RCAN1: variants seen among roughly 807,000 people sequenced by gnomAD.
RCAN1 encodes calcipressin-1.
Under a neutral mutation model 22.9 loss-of-function variants are expected in RCAN1, and 11 were observed. The observed-to-expected ratio is 0.48, with a 90% CI of 0.30 to 0.79. The LOEUF is 0.79. RCAN1 is among the 30% of genes least tolerant of loss of function. The pLI is 0.06. For synonymous variants in RCAN1, 136 were observed against 142.3 expected (o/e 0.96, Z 0.32); for missense variants, 291 against 337.8 (o/e 0.86, Z 1.09).
At chr21:34,541,138 T>C (rs979919108) in intron 1 of RCAN1, among the ~76,000 whole-genome samples, 11 of 152,228 alleles carry the variant, frequency 7.2e-5, no homozygotes, top group South Asian at 2.1e-4. Flanking sequence ...GCTCCAGTGA[T>C]AATATAAATG....
At chr21:34,604,732 G>C (rs2284610) in intron 1 of RCAN1, among the ~76,000 whole-genome samples, 8,904 of 152,306 alleles carry the variant, frequency 0.058, 337 homozygotes, top group East Asian at 0.16. Context: ...GGGAGAGGTG[G>C]TGTTTGTCAT....
chr21:34,526,079 TGAA>T (rs2066731893), intron 1 of RCAN1, among the ~76,000 whole-genome samples: 1 of 152,140 alleles, frequency 6.6e-6, no homozygotes, highest in Non-Finnish European at 1.5e-5. Context: ...TTTAATCAAA[TGAA>T]GAAGAAAAGT....
intron 1 of RCAN1, among the ~76,000 whole-genome samples, chr21:34,574,105 C>A (rs908137003): frequency 6.6e-6 from 1 of 152,152 alleles, no homozygotes; most frequent in African/African-American, 2.4e-5. Flanking sequence ...TGAATACAGA[C>A]CCATGTGAAG....
At chr21:34,538,787 T>C (rs762560616) in intron 1 of RCAN1, among the ~76,000 whole-genome samples, 2 of 152,180 alleles carry the variant, frequency 1.3e-5, no homozygotes, top group Non-Finnish European at 2.9e-5. Flanking sequence ...GTGGCTTTGC[T>C]CTGCCCCAAC....
chr21:34,530,043 CCT>C (rs762370552), intron 1 of RCAN1, among the ~76,000 whole-genome samples: 2 of 152,222 alleles, frequency 1.3e-5, no homozygotes, highest in Non-Finnish European at 2.9e-5. Flanking sequence ...TCCAATTAAA[CCT>C]CTTTTTCTTC....
In RCAN1 at chr21:34,518,684, A is replaced by G. The variant is rs1382534133; in HGVS notation, c.587-428T>C. ...CCTGGGCCTCCCTCATGCAGCTCCT[A>G]TTTGAGGGTCGCAGTGCACGCCCAG... is the stretch of plus-strand genomic sequence containing the variant. On this transcript the variant is annotated intron_variant, in intron 3 of 3. Transcript: ENST00000313806. This position sits in a 1 kb window ranked among gnomAD's most constrained non-coding sequence, Gnocchi z 4.2. 6.6e-6 allele frequency among the ~76,000 whole-genome samples: 1 copy of G among 152,184 alleles called. No individual in the cohort carries two copies. Among genetic ancestry groups the G allele is most frequent in the Non-Finnish European group, 1.5e-5 (1 of 68,034 alleles).
At chr21:34,601,646 A>G (rs568574250) in intron 1 of RCAN1, among the ~76,000 whole-genome samples, 58 of 152,128 alleles carry the variant, frequency 3.8e-4, no homozygotes, top group East Asian at 9.7e-4. Context: ...GTGAAACCCC[A>G]TCTCTACTAA....
At chr21:34,613,952 C>A in intron 1 of RCAN1, 1 of 932,368 alleles carries the variant, frequency 1.1e-6, no homozygotes, top group Non-Finnish European at 1.5e-6. Context: ...CTGTGACGCC[C>A]ACGTTGTCCA....
At chr21:34,595,905 A>G (rs1988134885) in intron 1 of RCAN1, among the ~76,000 whole-genome samples, 1 of 152,212 alleles carries the variant, frequency 6.6e-6, no homozygotes, top group Non-Finnish European at 1.5e-5. Context: ...GGGGTCCCCC[A>G]CACAGTCCAT....
intron 1 of RCAN1, among the ~76,000 whole-genome samples, chr21:34,534,178 G>C (rs2123610212): frequency 6.7e-6 from 1 of 148,246 alleles, no homozygotes; most frequent in East Asian, 2.0e-4. Flanking sequence ...TGAGGAGACA[G>C]CTGGGGTAGG....
chr21:34,612,741 TC>T (rs1247313053), intron 1 of RCAN1, among the ~76,000 whole-genome samples: 5 of 152,204 alleles, frequency 3.3e-5, no homozygotes, highest in African/African-American at 1.2e-4. Flanking sequence ...AGGCAGCTCC[TC>T]CCCTAGGTTT....
At chr21:34,539,622 C>T (rs1344321627) in intron 1 of RCAN1, among the ~76,000 whole-genome samples, 1 of 152,138 alleles carries the variant, frequency 6.6e-6, no homozygotes, top group Non-Finnish European at 1.5e-5. Flanking sequence ...TCAAGGTAAC[C>T]GTGGTTAACA....
intron 3 of RCAN1, 71 bp downstream of exon 3, chr21:34,521,428 G>GTACT (rs2123570413): frequency 6.2e-7 from 1 of 1,609,442 alleles, no homozygotes; most frequent in Non-Finnish European, 8.5e-7. Context: ...GGTAGTGGTG[G>GTACT]TACTGCTCCC....
intron 1 of RCAN1, among the ~76,000 whole-genome samples, chr21:34,554,750 A>G (rs1170733933): frequency 1.3e-5 from 2 of 152,238 alleles, no homozygotes; most frequent in Non-Finnish European, 2.9e-5. Context: ...GGCAATTTAC[A>G]AAAGAAAGAG....
Position 34,602,636 on chromosome 21 carries a change from G to A in RCAN1, c.252+12124C>T, listed in dbSNP as rs144753166. Among the ~76,000 whole-genome samples the A allele has an allele frequency of 2.2e-3, 342 of 152,220 alleles. 2 individuals carry two copies. The highest frequency in any genetic ancestry group is 7.7e-3 in the African/African-American group (318 of 41,534). On this transcript the variant is annotated intron_variant, in intron 1 of 3. Transcript: ENST00000313806. Reference sequence around the variant, plus strand: ...GAAGCTGTACAAATTCCCCAGAATCGTGACTCCAGCCCAGAACACTGTCAC... The same window carrying A: ...GAAGCTGTACAAATTCCCCAGAATCATGACTCCAGCCCAGAACACTGTCAC...
intron 1 of RCAN1, among the ~76,000 whole-genome samples, chr21:34,606,097 T>C (rs1192857578): frequency 6.6e-6 from 1 of 152,066 alleles, no homozygotes; most frequent in Non-Finnish European, 1.5e-5. Flanking sequence ...ACAGAGTTCT[T>C]GTAAAGATAA....
At chr21:34,530,078 T>C (rs1348844365) in intron 1 of RCAN1, among the ~76,000 whole-genome samples, 1 of 152,224 alleles carries the variant, frequency 6.6e-6, no homozygotes. Flanking sequence ...ATGTCTTGTC[T>C]TTATCAGCAG....
In RCAN1 at chr21:34,607,335, C is replaced by T. The variant is rs146048424; in HGVS notation, c.252+7425G>A. Among the ~76,000 whole-genome samples, 379 of 151,942 alleles carry T rather than the reference C, an allele frequency of 2.5e-3. 2 individuals carry two copies. Among genetic ancestry groups the T allele is most frequent in the African/African-American group, 8.8e-3 (367 of 41,474 alleles). ...AAAAAAATCAGATTAGAAAAAAATC[C>T]TCTTTTTTTCCTCCAAATAAGTCTT... is the stretch of plus-strand genomic sequence containing the variant. On this transcript the variant is annotated intron_variant, in intron 1 of 3. Transcript: ENST00000313806.
chr21:34,608,977 T>C (rs1343504640), intron 1 of RCAN1, among the ~76,000 whole-genome samples: 1 of 152,150 alleles, frequency 6.6e-6, no homozygotes, highest in Non-Finnish European at 1.5e-5. Context: ...TGTGAGCATA[T>C]TAAACCCAGC....
Sources: gnomAD v4.1 joint callset for allele counts (sites outside exome capture counted in the v4.1 genomes callset) on GRCh38, gnomAD v4.1.1 for gene constraint, Gnocchi (gnomAD v3.1) non-coding constraint, MANE v1.5 for transcripts, NCBI Gene and HGNC (gene_info 2026-07-23, HGNC 2026-07-21) for gene names.